MUC4: variants seen among roughly 807,000 people sequenced by gnomAD.
MUC4 encodes mucin-4.
MUC4 carries 202 observed loss-of-function variants against 257.9 expected under a neutral mutation model. The ratio of observed to expected loss-of-function variants is 0.78; its 90% CI spans 0.70 to 0.88. MUC4 has a LOEUF of 0.88. MUC4 is among the 40% of genes least tolerant of loss of function. The probability of loss-of-function intolerance (pLI) is 0.00; values close to 1 mark genes in which losing one functional copy is unlikely to be tolerated. For missense variants in MUC4, 5,976 were observed against 6,513.7 expected (o/e 0.92, Z 2.84); for synonymous variants, 2,351 against 2,757.1 (o/e 0.85, Z 4.62).
Position 195,789,881 on chromosome 3 carries a change from A to G in MUC4, c.1699T>C (p.Trp567Arg). ...KTTGAGAQTQWTQETGTTGEA... is the reference protein window; with the variant it reads ...KTTGAGAQTQRTQETGTTGEA... ...CCAGTGGTCCCCGTTTCTTGTGTCCATTGTGTCTGGGCGCCTGCCCCTGTT... is the reference window on the plus strand; with the variant it reads ...CCAGTGGTCCCCGTTTCTTGTGTCCGTTGTGTCTGGGCGCCTGCCCCTGTT... The change falls in exon 2 of 25, where the codon TGG becomes CGG. Residue 567 changes from tryptophan (W) to arginine (R), a missense_variant. Physicochemically the swap from Trp to Arg is moderately radical, Grantham distance 101. Coordinates refer to ENST00000463781, the MANE Select transcript of MUC4 (RefSeq NM_018406.7). The G allele has an allele frequency of 6.2e-7, 1 of 1,613,822 alleles. No homozygotes were observed. Among genetic ancestry groups the G allele is most frequent in the Non-Finnish European group, 8.5e-7 (1 of 1,179,858 alleles).
At chr3:195,799,960 C>T (rs1156571722) in intron 1 of MUC4, among the ~76,000 whole-genome samples, 1 of 152,192 alleles carries the variant, frequency 6.6e-6, no homozygotes, top group Non-Finnish European at 1.5e-5. Context: ...CATCCCTCAC[C>T]TGCTGCTCTT....
chr3:195,779,468 T>G lies in MUC4; in HGVS notation c.12112A>C (p.Thr4038Pro), dbSNP rs145408966. The change falls in exon 2 of 25, where the codon ACT becomes CCT. Residue 4038 changes from threonine to proline, a missense_variant. Physicochemically the swap from Thr to Pro is conservative, Grantham distance 38 (BLOSUM62 -1). This residue lies in a region of MUC4 where 293 missense variants were observed against 294.5 expected (regional missense o/e 1.00). Coordinates refer to ENST00000463781, the MANE Select transcript of MUC4 (RefSeq NM_018406.7). ...GHATPVPVTS[T>P]SSASTGDTTP... ...GTGTCACCTGTGGATGCTGAGGAAGTGCTGGTGACAGGAACAGGGGTGGCG... is the reference window on the plus strand; with the variant it reads ...GTGTCACCTGTGGATGCTGAGGAAGGGCTGGTGACAGGAACAGGGGTGGCG... 5,326 of 953,722 alleles carry G rather than the reference T, an allele frequency of 5.6e-3. 300 individuals carry two copies. The highest frequency in any genetic ancestry group is 0.036 in the East Asian group (578 of 16,044). 59.1% of individuals were successfully genotyped at this position (953,722 alleles called of 1,614,324 possible).
At chr3:195,774,146 C>A (rs376077755) in intron 4 of MUC4, 26 bp downstream of exon 4, 16 of 1,581,008 alleles carry the variant, frequency 1.0e-5, no homozygotes, top group Non-Finnish European at 1.3e-5. Context: ...GGAGTTCAGG[C>A]TGCGCGGGCC....
At position 195,783,359 on chromosome 3, in the gene MUC4, C is replaced by T. The variant is rs755450588; in HGVS notation, c.8221G>A (p.Glu2741Lys). Residue 2741 changes from glutamate to lysine, a missense_variant, in exon 2 of 25, where the codon GAG (glutamate) becomes AAG (lysine). Glu to Lys is a moderately conservative substitution (Grantham distance 56). Coordinates refer to ENST00000463781, the MANE Select transcript of MUC4 (RefSeq NM_018406.7). ...TCACCTGTGGATACTGAGGAAGTCT[C>T]GGTGACAAGAAGAGGGGTGGTGTCA... ...TGDTTPLLVT[E>K]TSSVSTGDTT... 517 of 623,042 alleles carry T rather than the reference C, an allele frequency of 8.3e-4. 9 individuals are homozygous for T. The highest frequency in any genetic ancestry group is 2.3e-3 in the South Asian group (87 of 37,094). The allele number at this position is 623,042 out of a possible 1,614,324, so 38.6% of individuals were successfully genotyped here.
intron 1 of MUC4, among the ~76,000 whole-genome samples, chr3:195,801,358 C>A (rs1297034795): frequency 6.6e-6 from 1 of 152,040 alleles, no homozygotes; most frequent in African/African-American, 2.4e-5. Flanking sequence ...CCGTGACCCT[C>A]CATTTTCTAC....
chr3:195,767,630 TCACCACCACCATCGCCACCACCAC>T (rs1721295863), intron 7 of MUC4, among the ~76,000 whole-genome samples: 1 of 26,664 alleles, frequency 3.8e-5, no homozygotes, highest in Non-Finnish European at 8.5e-5. Context: ...ATCACCACCA[TCACCACCACCATCGCCACCACCAC>T]CACCACCACC....
intron 1 of MUC4, among the ~76,000 whole-genome samples, chr3:195,807,179 A>C (rs1736084772): frequency 6.6e-6 from 1 of 152,192 alleles, no homozygotes; most frequent in South Asian, 2.1e-4. Context: ...TTAAACCTCT[A>C]TGAAGTAGGG....
At chr3:195,754,841 T>TCCATGTGTA (rs1717253238) in intron 18 of MUC4, among the ~76,000 whole-genome samples, 1 of 151,282 alleles carries the variant, frequency 6.6e-6, no homozygotes, top group East Asian at 1.9e-4. Context: ...TGTGTATGTA[T>TCCATGTGTA]CATGTATGTA....
Position 195,762,109 on chromosome 3 carries a change from C to G in MUC4, c.14490G>C (p.Gln4830His), listed in dbSNP as rs757313316. The G allele has an allele frequency of 6.2e-7, 1 of 1,605,268 alleles. No individual in the cohort carries two copies. The highest frequency in any genetic ancestry group is 8.5e-7 in the Non-Finnish European group (1 of 1,177,960). ...HASASLPPEY[Q>H]NRTEGLLGVW... ...CACCCAGGAGCCCCTCCGTGCGGTT[C>G]TGGTACTCGGGCGGGAGGCTGGCGG... Residue 4830 changes from glutamine to histidine, a missense_variant, in exon 14 of 25, where the codon CAG (glutamine) becomes CAC (histidine). Gln to His is a conservative substitution (Grantham distance 24, BLOSUM62 0). Coordinates refer to ENST00000463781, the MANE Select transcript of MUC4 (RefSeq NM_018406.7).
At chr3:195,805,091 C>T (rs1578491271) in intron 1 of MUC4, among the ~76,000 whole-genome samples, 1 of 150,584 alleles carries the variant, frequency 6.6e-6, no homozygotes, top group South Asian at 2.1e-4. Flanking sequence ...GATGGAGTCT[C>T]GCTCTGTCGC....
At position 195,746,932 on chromosome 3, in the gene MUC4, C is replaced by T; in HGVS notation, c.*244G>A. The stretch of plus-strand genomic sequence containing the variant: ...CACGCGCGCGTGCACAGGCTAGTGT[C>T]CTTCTGTGGGTGTGTCTGCGTGAGG... On this transcript the variant is annotated 3_prime_UTR_variant, in exon 25 of 25. Coordinates refer to ENST00000463781, the MANE Select transcript of MUC4 (RefSeq NM_018406.7). 1 of 612,840 alleles carries T rather than the reference C, an allele frequency of 1.6e-6. No individual in the cohort carries two copies. Among genetic ancestry groups the T allele is most frequent in the South Asian group, 2.0e-5 (1 of 49,256 alleles). The allele number at this position is 612,840 out of a possible 1,614,324, so 38.0% of individuals were successfully genotyped here. A position where few individuals can be genotyped will look rare whatever the true frequency, so the allele number is the denominator to read the frequency against.
Position 195,778,267 on chromosome 3 carries a change from C to T in MUC4, c.12943+36G>A, listed in dbSNP as rs146046313. The T allele has an allele frequency of 1.1e-4, 171 of 1,553,376 alleles. 2 individuals carry two copies. In the East Asian group the frequency reaches 3.6e-3, roughly 33 times the overall value. On this transcript the variant is annotated intron_variant, in intron 3 of 24. Transcript: ENST00000463781. ...AGAGGGAGCCTTCAGTTACATCACC[C>T]CTCAAAAGGCACAGGCCTCACCTGT...
chr3:195,766,578 G>T, intron 8 of MUC4, 85 bp downstream of exon 8: 1 of 1,203,178 alleles, frequency 8.3e-7, no homozygotes, highest in Non-Finnish European at 1.2e-6. Flanking sequence ...TTAGGGAGGT[G>T]CCCTCTAGGA....
chr3:195,778,585 A>G, intron 2 of MUC4, 130 bp from the exon 3 acceptor site: 2 of 1,347,606 alleles, frequency 1.5e-6, no homozygotes, highest in Non-Finnish European at 1.0e-6. Context: ...CTCATATCCA[A>G]ACTACTCTCG....
chr3:195,766,817 G>A (rs1036855844), intron 7 of MUC4, 66 bp from the exon 8 acceptor site: 47 of 1,421,690 alleles, frequency 3.3e-5, no homozygotes, highest in Admixed American at 1.7e-4. Flanking sequence ...GTTGCAAGGC[G>A]TCCATTCATC....
chr3:195,790,579 C>G lies in MUC4; in HGVS notation c.1001G>C (p.Arg334Thr), dbSNP rs773117669. 2 of 1,614,010 alleles carry G rather than the reference C, an allele frequency of 1.2e-6. No individual in the cohort carries two copies. The highest frequency in any genetic ancestry group is 1.7e-6 in the Non-Finnish European group (2 of 1,179,896). Residue 334 changes from arginine (R) to threonine (T), a missense_variant, in exon 2 of 25, where the codon AGA becomes ACA. Around this residue, in one of 44 missense-constraint regions of MUC4, gnomAD observed 1,583 missense variants for 1,257.4 expected, o/e 1.26. Coordinates refer to ENST00000463781, the MANE Select transcript of MUC4 (RefSeq NM_018406.7). ...GTTGAGGGTGTTGATTTGAGATACTCTGGTGGTCTCCACGCTCTGAGTCTG... is the reference window on the plus strand; with the variant it reads ...GTTGAGGGTGTTGATTTGAGATACTGTGGTGGTCTCCACGCTCTGAGTCTG... Reference protein sequence around the residue: ...NHQTQSVETTRVSQINTLNTL... With the variant: ...NHQTQSVETTTVSQINTLNTL...
At position 195,786,422 on chromosome 3, in the gene MUC4, A is replaced by C; in HGVS notation, c.5158T>G (p.Ser1720Ala). 2.0e-6 allele frequency: 3 copies of C among 1,531,712 alleles called. 1 individual carries two copies. The highest frequency in any genetic ancestry group is 8.8e-7 in the Non-Finnish European group (1 of 1,135,902). The allele number at this position is 1,531,712 out of a possible 1,614,324, so 94.9% of individuals were successfully genotyped here. Residue 1720 changes from serine (S) to alanine (A), a missense_variant, in exon 2 of 25, where the codon TCA becomes GCA. Coordinates refer to ENST00000463781, the MANE Select transcript of MUC4 (RefSeq NM_018406.7). ...GGCGTGGTGTCACCTGTGGATACTG[A>C]GGAAAGGCTGGTGACAGGAAGAGGG... ...ATPLPVTSLSSVSTGDTTPLP... is the reference protein window; with the variant it reads ...ATPLPVTSLSAVSTGDTTPLP...
In MUC4 at chr3:195,757,372, C is replaced by T. The variant is rs73892860; in HGVS notation, c.14987-44G>A. 9,534 of 1,549,388 alleles carry T rather than the reference C, an allele frequency of 6.2e-3. 374 individuals carry two copies. The African/African-American group carries it at 0.097, about 16-fold the overall frequency. On this transcript the variant is annotated intron_variant, in intron 17 of 24. Transcript: ENST00000463781. The surrounding 1 kb of genome is among the most constrained non-coding windows in gnomAD (Gnocchi z 4.8). ...GAATGTTGAGAGCTGGGAGACTCCT[C>T]GGCTCTGTGGTCTGATTGCTGATAC...
chr3:195,770,167 AT>A (rs764095133), intron 6 of MUC4, 48 bp downstream of exon 6: 26 of 1,484,120 alleles, frequency 1.8e-5, no homozygotes, highest in Non-Finnish European at 8.1e-6. Context: ...GGATTCTAGG[AT>A]GTCTGACTCC....
Sources: allele counts gnomAD v4.1 joint callset (sites outside exome capture counted in the v4.1 genomes callset), GRCh38; gene constraint gnomAD v4.1.1; regional missense constraint gnomAD v4.1.1; non-coding constraint Gnocchi (gnomAD v3.1); transcripts MANE v1.5; gene names NCBI Gene and HGNC (gene_info 2026-07-23, HGNC 2026-07-21).